WDFY4: variants seen among roughly 807,000 people sequenced by gnomAD.
WDFY4 encodes the protein WDFY family member 4.
Under a neutral mutation model 351.9 loss-of-function variants are expected in WDFY4, and 169 were observed. The ratio of observed to expected loss-of-function variants is 0.48; its 90% CI spans 0.42 to 0.55. The LOEUF (loss-of-function observed/expected upper bound fraction) is 0.55, where lower values mean the gene tolerates loss of function less well. Among genes scored for constraint, WDFY4 ranks in the 20% least tolerant of loss-of-function variants. The pLI is 0.00. For synonymous variants in WDFY4, 1,622 were observed against 1,574.6 expected (o/e 1.03, Z -0.71); for missense variants, 3,803 against 3,935.6 (o/e 0.97, Z 0.90).
chr10:48,852,844 C>T (rs542576908), intron 39 of WDFY4, among the ~76,000 whole-genome samples: 17 of 152,306 alleles, frequency 1.1e-4, no homozygotes, highest in East Asian at 7.7e-4. Context: ...CTTTCTGTTT[C>T]GTTTGCTTTT....
chr10:48,817,419 G>C lies in WDFY4; in HGVS notation c.5505+10G>C, dbSNP rs2067658627. 2 of 1,546,286 alleles carry C rather than the reference G, an allele frequency of 1.3e-6. No homozygotes were observed. Among genetic ancestry groups the C allele is most frequent in the African/African-American group, 1.4e-5 (1 of 73,008 alleles). On this transcript the variant is annotated intron_variant, in intron 32 of 61. Coordinates refer to ENST00000325239, the MANE Select transcript of WDFY4 (RefSeq NM_001394531.1). The stretch of plus-strand genomic sequence containing the variant: ...CCTGGGAGCCCAAAAGGTAGGACAT[G>C]CTGCTGTCCCACCCAGAGAGAGCAG...
At chr10:48,822,263 A>G in intron 34 of WDFY4, 117 bp from the exon 35 acceptor site, 1 of 1,159,038 alleles carries the variant, frequency 8.6e-7, no homozygotes, top group Non-Finnish European at 1.1e-6. Context: ...CCATCTTTGG[A>G]ACCATGGGGT....
intron 12 of WDFY4, among the ~76,000 whole-genome samples, chr10:48,744,339 A>G (rs759379841): frequency 6.6e-6 from 1 of 152,176 alleles, no homozygotes; most frequent in Non-Finnish European, 1.5e-5. Context: ...CGTTTGCCAG[A>G]CTTCAGTGTT....
intron 60 of WDFY4, 61 bp downstream of exon 60, chr10:48,978,454 C>G (rs1842671165): frequency 6.9e-7 from 1 of 1,449,860 alleles, no homozygotes; most frequent in East Asian, 2.5e-5. Context: ...CACCTCCCCT[C>G]TCTCCACCTC....
At chr10:48,707,315 T>G (rs981954391) in intron 1 of WDFY4, among the ~76,000 whole-genome samples, 1 of 152,134 alleles carries the variant, frequency 6.6e-6, no homozygotes, top group African/African-American at 2.4e-5. Context: ...TCAGATGCTG[T>G]GGGGGAGATG....
chr10:48,803,286 C>G lies in WDFY4; in HGVS notation c.4411C>G (p.Leu1471Val), dbSNP rs1394279343. 6.4e-7 allele frequency: 1 copy of G among 1,551,856 alleles called. No homozygotes were observed. The highest frequency in any genetic ancestry group is 2.4e-5 in the East Asian group (1 of 40,920). ...VFQHILCNFE[L>V]WMNTADNLEL... ...GCATGTGTTTTGTTTTGTCTTCCAG[C>G]TCTGGATGAATACTGCAGACAATCT... The change falls in exon 25 of 62, where the codon CTC (leucine) becomes GTC (valine). Residue 1471 changes from leucine to valine, a missense_variant and splice_region_variant. Leu to Val is a conservative substitution (Grantham distance 32, BLOSUM62 1). Coordinates refer to ENST00000325239, the MANE Select transcript of WDFY4 (RefSeq NM_001394531.1).
chr10:48,838,694 T>A (rs2068491673), intron 39 of WDFY4, among the ~76,000 whole-genome samples: 1 of 152,252 alleles, frequency 6.6e-6, no homozygotes, highest in African/African-American at 2.4e-5. Context: ...TCTCTCCTTA[T>A]GACTTCCCAC....
chr10:48,921,341 G>A (rs1175175172), intron 47 of WDFY4, among the ~76,000 whole-genome samples: 1 of 151,980 alleles, frequency 6.6e-6, no homozygotes. Flanking sequence ...ATTGATTTTT[G>A]AAAAAAGGTC....
At chr10:48,856,829 C>T (rs2069150629) in intron 39 of WDFY4, among the ~76,000 whole-genome samples, 1 of 152,224 alleles carries the variant, frequency 6.6e-6, no homozygotes, top group South Asian at 2.1e-4. Flanking sequence ...TTTTATTATG[C>T]AATATAGAAA....
chr10:48,774,814 T>A, intron 14 of WDFY4, 142 bp downstream of exon 14: 1 of 1,110,764 alleles, frequency 9.0e-7, no homozygotes, highest in Non-Finnish European at 1.3e-6. Context: ...CTGGAGTCCA[T>A]GGCTGAGCCT....
At chr10:48,697,657 A>C (rs1046697583) in intron 1 of WDFY4, among the ~76,000 whole-genome samples, 17 of 152,330 alleles carry the variant, frequency 1.1e-4, no homozygotes, top group African/African-American at 4.1e-4. Context: ...CCCTCTAACC[A>C]GAGTGATCAT....
Position 48,805,389 on chromosome 10 carries a change from G to A in WDFY4, c.4614G>A (p.Leu1538=). ...STIIGILACQ[L]RGHFSTQDLL... is the part of the protein sequence containing the mutation. Reference sequence around the variant, plus strand: ...TCATTGGCATCCTGGCCTGTCAGCTGAGGGGCCACTTCAGCACCCAGGACT... The same window carrying A: ...TCATTGGCATCCTGGCCTGTCAGCTAAGGGGCCACTTCAGCACCCAGGACT... Residue 1538 remains leucine, a synonymous_variant, in exon 26 of 62, where the codon CTG becomes CTA. Coordinates refer to ENST00000325239, the MANE Select transcript of WDFY4 (RefSeq NM_001394531.1). 1 of 1,549,438 alleles carries A rather than the reference G, an allele frequency of 6.5e-7. No individual in the cohort carries two copies. Among genetic ancestry groups the A allele is most frequent in the Non-Finnish European group, 8.7e-7 (1 of 1,147,028 alleles).
At chr10:48,734,842 C>A (rs1245791484) in intron 10 of WDFY4, among the ~76,000 whole-genome samples, 2 of 150,130 alleles carry the variant, frequency 1.3e-5, no homozygotes, top group Non-Finnish European at 2.9e-5. Flanking sequence ...GTGGCATGAT[C>A]TTGGCTCACT....
intron 35 of WDFY4, among the ~76,000 whole-genome samples, chr10:48,824,866 G>T (rs905137652): frequency 6.6e-6 from 1 of 152,106 alleles, no homozygotes; most frequent in Non-Finnish European, 1.5e-5. Flanking sequence ...GACTGGTCTT[G>T]AACACCTGTC....
intron 3 of WDFY4, 30 bp downstream of exon 3, chr10:48,720,155 C>G: frequency 6.5e-7 from 1 of 1,547,434 alleles, no homozygotes; most frequent in Non-Finnish European, 8.7e-7. Context: ...GGCAGACCCT[C>G]TACAGAGAGC....
intron 12 of WDFY4, among the ~76,000 whole-genome samples, chr10:48,743,820 C>T (rs1359827669): frequency 1.3e-5 from 2 of 152,154 alleles, no homozygotes; most frequent in Admixed American, 6.5e-5. Context: ...CTGCTACACT[C>T]ACCTTCTCCT....
chr10:48,777,603 G>A lies in WDFY4; in HGVS notation c.3175+108G>A, dbSNP rs1034608063. On this transcript the variant is annotated intron_variant, in intron 17 of 61. Transcript: ENST00000325239. ...TTGGTGTTTCAATAAAGTGTGAGCT[G>A]TGCTGGGCATGGTGGCTCACACCTG... 7.9e-6 allele frequency: 9 copies of A among 1,140,944 alleles called. No homozygotes were observed. The African/African-American group carries it at 1.2e-4, about 16-fold the overall frequency. The allele number at this position is 1,140,944 out of a possible 1,614,324, so 70.7% of individuals were successfully genotyped here. A position where few individuals can be genotyped will look rare whatever the true frequency, so the allele number is the denominator to read the frequency against.
chr10:48,956,443 A>C (rs1313127855), intron 51 of WDFY4, among the ~76,000 whole-genome samples: 1 of 151,904 alleles, frequency 6.6e-6, no homozygotes, highest in Non-Finnish European at 1.5e-5. Context: ...TCTCTCACCA[A>C]ATGCCATGAG....
chr10:48,692,811 T>C (rs1346043107), intron 1 of WDFY4, among the ~76,000 whole-genome samples: 2 of 152,230 alleles, frequency 1.3e-5, no homozygotes, highest in African/African-American at 4.8e-5. Flanking sequence ...TCTGCCTCAC[T>C]GTTCCATTGT....
Sources: allele counts gnomAD v4.1 joint callset (sites outside exome capture counted in the v4.1 genomes callset), GRCh38; gene constraint gnomAD v4.1.1; transcripts MANE v1.5; gene names NCBI Gene and HGNC (gene_info 2026-07-23, HGNC 2026-07-21).